The following DGKD variants were observed in gnomAD, a reference collection of about 807,000 sequenced individuals.
DGKD encodes diacylglycerol kinase delta.
A neutral mutation model predicts 154.4 loss-of-function variants in DGKD; 68 were observed. That is an observed-to-expected ratio of 0.44 (90% CI 0.36 to 0.54). The LOEUF (loss-of-function observed/expected upper bound fraction) is 0.54, where lower values mean the gene tolerates loss of function less well. Among genes scored for constraint, DGKD ranks in the 20% least tolerant of loss-of-function variants. The pLI is 0.00. For synonymous variants in DGKD, 693 were observed against 638.0 expected, an observed-to-expected ratio of 1.09 and a Z score of -1.30; for missense variants, 1,343 against 1,593.6, an observed-to-expected ratio of 0.84 and a Z score of 2.68.
rs751518875 is a variant in DGKD at position 233,457,495 on chromosome 2, C to G, written c.2580+167C>G. The G allele has an allele frequency of 2.9e-6, 2 of 694,060 alleles. No individual in the cohort carries two copies. The highest frequency in any genetic ancestry group is 2.7e-5 in the East Asian group (1 of 36,364). The allele number at this position is 694,060 out of a possible 1,614,324, so 43.0% of individuals were successfully genotyped here. A position where few individuals can be genotyped will look rare whatever the true frequency, so the allele number is the denominator to read the frequency against. On this transcript the variant is annotated intron_variant, in intron 21 of 29. Transcript: ENST00000264057. The surrounding 1 kb of genome is among the most constrained non-coding windows in gnomAD (Gnocchi z 5.5). ...CAGGGTCCCCCACCCAGCTCATCGT[C>G]TAGAGGGCTGAGCAGAGCAGTTGTG... is the stretch of plus-strand genomic sequence containing the variant.
intron 1 of DGKD, among the ~76,000 whole-genome samples, chr2:233,361,300 T>G (rs1444245301): frequency 1.3e-5 from 2 of 152,172 alleles, no homozygotes; most frequent in African/African-American, 2.4e-5. Flanking sequence ...CCTCTGAAAT[T>G]AAAGTAATCC....
chr2:233,375,047 T>C (rs1483173360), intron 1 of DGKD, among the ~76,000 whole-genome samples: 1 of 152,180 alleles, frequency 6.6e-6, no homozygotes, highest in Non-Finnish European at 1.5e-5. Flanking sequence ...CCCAGCACTT[T>C]GGGCGCCCAA....
intron 1 of DGKD, among the ~76,000 whole-genome samples, chr2:233,367,811 G>A (rs1162963676): frequency 2.7e-5 from 4 of 147,222 alleles, no homozygotes; most frequent in Non-Finnish European, 6.0e-5. Context: ...TCATCGCTTG[G>A]TTTACAGATT....
In DGKD at chr2:233,470,986, G is replaced by C. The variant is rs902721865; in HGVS notation, c.*1526G>C. 1 of 152,414 alleles carries C rather than the reference G, an allele frequency of 6.6e-6. No homozygotes were observed. The highest frequency in any genetic ancestry group is 6.6e-5 in the Admixed American group (1 of 15,264). The allele number at this position is 152,414 out of a possible 1,614,324, so 9.4% of individuals were successfully genotyped here. A position where few individuals can be genotyped will look rare whatever the true frequency, so the allele number is the denominator to read the frequency against. On this transcript the variant is annotated 3_prime_UTR_variant, in exon 30 of 30. Coordinates refer to ENST00000264057, the MANE Select transcript of DGKD (RefSeq NM_152879.3). Reference sequence around the variant, plus strand: ...GCGGGGGTGGGCATAGACCGGGCTGGGTCTGCAGCAGCCCCTGGTCCTGAG... The same window carrying C: ...GCGGGGGTGGGCATAGACCGGGCTGCGTCTGCAGCAGCCCCTGGTCCTGAG...
At chr2:233,465,101 A>C (rs1357763388) in intron 27 of DGKD, among the ~76,000 whole-genome samples, 1 of 152,186 alleles carries the variant, frequency 6.6e-6, no homozygotes, top group Non-Finnish European at 1.5e-5. Context: ...TTCATGGGAA[A>C]CTGACTCAGG....
intron 1 of DGKD, among the ~76,000 whole-genome samples, chr2:233,371,819 G>C (rs1478413751): frequency 6.6e-6 from 1 of 152,200 alleles, no homozygotes; most frequent in Non-Finnish European, 1.5e-5. Flanking sequence ...TGCCTCCCCA[G>C]CTGTGCAGAC....
intron 3 of DGKD, among the ~76,000 whole-genome samples, chr2:233,401,757 T>C (rs2061561804): frequency 6.6e-6 from 1 of 151,584 alleles, no homozygotes; most frequent in Admixed American, 6.6e-5. Context: ...CCGTCTCTAC[T>C]AAAAATATAA....
chr2:233,389,592 G>A (rs533092316), intron 2 of DGKD, among the ~76,000 whole-genome samples: 4 of 150,414 alleles, frequency 2.7e-5, no homozygotes, highest in African/African-American at 7.4e-5. Flanking sequence ...AAAAAAACAC[G>A]ACAAAATAAC....
intron 1 of DGKD, among the ~76,000 whole-genome samples, chr2:233,386,394 A>G (rs1407024162): frequency 6.6e-6 from 1 of 152,222 alleles, no homozygotes; most frequent in East Asian, 1.9e-4. Context: ...GTTTGGAAAC[A>G]AATACCATTT....
At position 233,388,278 on chromosome 2, in the gene DGKD, C is replaced by G. The variant is rs1228394012; in HGVS notation, c.178C>G (p.Leu60Val). ...TCAGACCATCATCAAAGAGGGGATG[C>G]TGACCAAACAGAACAATTCATTCCA... ...RQKTIIKEGM[L>V]TKQNNSFQRS... is the part of the protein sequence containing the mutation. The change falls in exon 2 of 30, where the codon CTG becomes GTG. Residue 60 changes from leucine to valine, a missense_variant. By Grantham distance (32) the Leu-to-Val change is conservative (BLOSUM62 1). Around this residue, in one of 6 missense-constraint regions of DGKD, gnomAD observed 332 missense variants for 400.1 expected, o/e 0.83. Coordinates refer to ENST00000264057, the MANE Select transcript of DGKD (RefSeq NM_152879.3). The G allele has an allele frequency of 2.5e-6, 4 of 1,613,736 alleles. No individual in the cohort carries two copies. Among genetic ancestry groups the G allele is most frequent in the Non-Finnish European group, 3.4e-6 (4 of 1,179,948 alleles).
chr2:233,418,059 A>T (rs996338105), intron 3 of DGKD, among the ~76,000 whole-genome samples: 6 of 152,202 alleles, frequency 3.9e-5, no homozygotes, highest in African/African-American at 7.2e-5. Flanking sequence ...TTTTACAAAA[A>T]TTTGGATTAT....
intron 8 of DGKD, among the ~76,000 whole-genome samples, chr2:233,437,939 G>A (rs1166562792): frequency 1.3e-5 from 2 of 152,210 alleles, no homozygotes; most frequent in African/African-American, 2.4e-5. Context: ...TGGAAAGGGG[G>A]ATGTGGGGTA....
chr2:233,382,714 A>G (rs1426571841), intron 1 of DGKD, among the ~76,000 whole-genome samples: 1 of 152,246 alleles, frequency 6.6e-6, no homozygotes, highest in African/African-American at 2.4e-5. Context: ...TGCTCAAGAC[A>G]TTAACACTAA....
At chr2:233,437,605 G>C (rs1045904029) in intron 8 of DGKD, 126 bp downstream of exon 8, 2 of 927,206 alleles carry the variant, frequency 2.2e-6, no homozygotes, top group African/African-American at 1.6e-5. Context: ...AGGCACAGCT[G>C]TTGGGGGTGC....
At chr2:233,400,783 G>A (rs2061540489) in intron 3 of DGKD, among the ~76,000 whole-genome samples, 1 of 152,152 alleles carries the variant, frequency 6.6e-6, no homozygotes, top group Admixed American at 6.5e-5. Flanking sequence ...GCTAGAGCTC[G>A]ACAGGCCTGG....
chr2:233,434,897 C>T lies in DGKD; in HGVS notation c.582C>T (p.Cys194=), dbSNP rs761662091. The part of the protein sequence containing the change: ...LSGVTSHGLS[C]EVCKFKAHKR... ...GGGTCACGTCGCACGGGCTGTCCTG[C>T]GAGGGTACGGATGTGCGTTTGTTAT... Residue 194 remains cysteine (C), a synonymous_variant, in exon 5 of 30, where the codon TGC becomes TGT. Transcript: ENST00000264057. The T allele has an allele frequency of 1.6e-5, 26 of 1,612,504 alleles. No individual in the cohort carries two copies. Among genetic ancestry groups the T allele is most frequent in the African/African-American group, 5.3e-5 (4 of 74,868 alleles).
At position 233,434,795 on chromosome 2, in the gene DGKD, C is replaced by T. The variant is rs763817416; in HGVS notation, c.480C>T (p.Phe160=). The T allele has an allele frequency of 6.2e-7, 1 of 1,614,184 alleles. No individual in the cohort carries two copies. The highest frequency in any genetic ancestry group is 1.7e-5 in the Admixed American group (1 of 60,026). ...CCACCCAGTACAGCATGGACCACTT[C>T]TCAGGGATGCACAATTGGTACGCCT... ...FEPTQYSMDH[F]SGMHNWYACS... Residue 160 remains phenylalanine, a synonymous_variant, in exon 5 of 30, where the codon TTC becomes TTT. Coordinates refer to ENST00000264057, the MANE Select transcript of DGKD (RefSeq NM_152879.3).
rs565870795 is a variant in DGKD, at chr2:233,471,003, G to C, written c.*1543G>C. 1.3e-5 allele frequency: 2 copies of C among 152,622 alleles called. No homozygotes were observed. Among genetic ancestry groups the C allele is most frequent in the East Asian group, 3.8e-4 (2 of 5,272 alleles). The allele number at this position is 152,622 out of a possible 1,614,324, so 9.5% of individuals were successfully genotyped here. The stretch of plus-strand genomic sequence containing the variant: ...CCGGGCTGGGTCTGCAGCAGCCCCT[G>C]GTCCTGAGCAGGCGGCAGTGAACAG... On this transcript the variant is annotated 3_prime_UTR_variant, in exon 30 of 30. Transcript: ENST00000264057.
intron 3 of DGKD, among the ~76,000 whole-genome samples, chr2:233,396,596 C>T (rs757452000): frequency 7.9e-5 from 12 of 152,182 alleles, no homozygotes; most frequent in Non-Finnish European, 1.5e-4. Flanking sequence ...TGGAAGACCC[C>T]ACCTGGCCTT....
Sources: gnomAD v4.1 joint callset for allele counts (sites outside exome capture counted in the v4.1 genomes callset) on GRCh38, gnomAD v4.1.1 for gene constraint, gnomAD v4.1.1 regional missense constraint, Gnocchi (gnomAD v3.1) non-coding constraint, MANE v1.5 for transcripts, NCBI Gene and HGNC (gene_info 2026-07-23, HGNC 2026-07-21) for gene names.